The following NRG1 variants were observed in gnomAD, a reference collection of about 807,000 sequenced individuals.
NRG1 encodes pro-neuregulin-1, membrane-bound isoform.
Under a neutral mutation model 63.8 loss-of-function variants are expected in NRG1, and 18 were observed. The ratio of observed to expected loss-of-function variants is 0.28; its 90% confidence interval spans 0.19 to 0.42. The LOEUF is 0.42. Among genes scored for constraint, NRG1 ranks in the 10% least tolerant of loss-of-function variants. The probability of loss-of-function intolerance (pLI) is 1.00; values close to 1 mark genes in which losing one functional copy is unlikely to be tolerated. For synonymous variants in NRG1, 302 were observed against 301.3 expected (o/e 1.00, Z -0.02); for missense variants, 762 against 814.7 (o/e 0.94, Z 0.79).
chr8:31,841,594 G>A (rs947308065), intron 1 of NRG1, among the ~76,000 whole-genome samples: 1 of 152,098 alleles, frequency 6.6e-6, no homozygotes, highest in East Asian at 1.9e-4. Context: ...CCAGAAAAGG[G>A]TGCCAGCCTA....
At chr8:32,066,405 G>T (rs1469321665) in intron 1 of NRG1, among the ~76,000 whole-genome samples, 2 of 152,240 alleles carry the variant, frequency 1.3e-5, no homozygotes, top group East Asian at 3.9e-4. Flanking sequence ...TTTTACATAT[G>T]GCTAGCCAGT....
At chr8:32,099,529 A>G (rs1830304241) in intron 1 of NRG1, 1 of 152,238 alleles carries the variant, frequency 6.6e-6, no homozygotes, top group Non-Finnish European at 1.5e-5. Context: ...CTGATCGAAG[A>G]TGGAGATGAA....
At chr8:32,049,191 G>A (rs1423502399) in intron 1 of NRG1, among the ~76,000 whole-genome samples, 1 of 152,112 alleles carries the variant, frequency 6.6e-6, no homozygotes, top group Non-Finnish European at 1.5e-5. Flanking sequence ...CCAAAGCTAA[G>A]GAAACCCTGA....
Position 32,266,130 on chromosome 8 carries a change from T to A in NRG1, c.38-329698T>A, listed in dbSNP as rs574038535. 9.8e-5 allele frequency among the ~76,000 whole-genome samples: 15 copies of A among 152,350 alleles called. No individual in the cohort carries two copies. In the South Asian group the frequency reaches 3.1e-3, roughly 32 times the overall value. ...ATTTTATCTCTTCTGTGTCAGTCTG[T>A]GACCTTTTGGGTGGAATCTGAACAA... is the stretch of plus-strand genomic sequence containing the variant. On this transcript the variant is annotated intron_variant, in intron 1 of 10. Coordinates refer to the NRG1 transcript ENST00000519301.
rs569876592 is a variant in NRG1, at chr8:31,663,206, G to A, written c.37+23775G>A. ...ACCCAGAATAAATTGGATTGGAAAA[G>A]TAGGAAACCTCATTTAGCTTTTGTG... On this transcript the variant is annotated intron_variant, in intron 1 of 10. Transcript: ENST00000519301. Among the ~76,000 whole-genome samples the A allele has an allele frequency of 4.2e-4, 64 of 152,320 alleles. No homozygotes were observed. The South Asian group carries it at 4.3e-3, about 10-fold the overall frequency.
chr8:31,684,316 G>A (rs570082754), intron 1 of NRG1, among the ~76,000 whole-genome samples: 1 of 152,238 alleles, frequency 6.6e-6, no homozygotes, highest in East Asian at 1.9e-4. Context: ...TCATGAATGG[G>A]ACTAGCACCT....
chr8:31,663,204 A>C (rs1388229409), intron 1 of NRG1, among the ~76,000 whole-genome samples: 1 of 152,214 alleles, frequency 6.6e-6, no homozygotes, highest in Non-Finnish European at 1.5e-5. Flanking sequence ...TGGATTGGAA[A>C]AGTAGGAAAC....
intron 1 of NRG1, among the ~76,000 whole-genome samples, chr8:32,496,921 G>A (rs1827259257): frequency 1.3e-5 from 2 of 152,030 alleles, no homozygotes; most frequent in African/African-American, 4.8e-5. Context: ...ATGTAACATA[G>A]GAAAAGCAGA....
chr8:32,346,669 C>T (rs1804942581), intron 1 of NRG1, among the ~76,000 whole-genome samples: 1 of 151,932 alleles, frequency 6.6e-6, no homozygotes, highest in Non-Finnish European at 1.5e-5. Flanking sequence ...ATTACATGTG[C>T]TTATTTCTCT....
intron 1 of NRG1, among the ~76,000 whole-genome samples, chr8:32,181,362 C>A (rs1437315651): frequency 6.6e-6 from 1 of 152,176 alleles, no homozygotes; most frequent in Non-Finnish European, 1.5e-5. Flanking sequence ...ATGAAATATC[C>A]ATTTATTATC....
At chr8:31,671,412 G>A (rs1328089353) in intron 1 of NRG1, among the ~76,000 whole-genome samples, 1 of 152,092 alleles carries the variant, frequency 6.6e-6, no homozygotes, top group Middle Eastern at 3.2e-3. Flanking sequence ...CCAATTAGTT[G>A]GGGATAGCGG....
intron 1 of NRG1, among the ~76,000 whole-genome samples, chr8:32,311,993 A>T (rs998956377): frequency 6.6e-6 from 1 of 152,104 alleles, no homozygotes; most frequent in Non-Finnish European, 1.5e-5. Context: ...GTGTTTGCTC[A>T]ACCTGTTTAC....
At chr8:32,305,362 G>A (rs1321601704) in intron 1 of NRG1, among the ~76,000 whole-genome samples, 1 of 151,984 alleles carries the variant, frequency 6.6e-6, no homozygotes, top group Non-Finnish European at 1.5e-5. Context: ...GCATAGCATA[G>A]AATATTTTAT....
chr8:32,657,275 G>A lies in NRG1; in HGVS notation c.502+40390G>A, dbSNP rs145264158. On this transcript the variant is annotated intron_variant, in intron 5 of 11. Coordinates refer to ENST00000356819, the Ensembl canonical transcript of NRG1. ...AATGTAATATAATTTTGTTTCCCCC[G>A]TTTACCTTCCTTTTCCCTCCCTTTG... 2.1e-4 allele frequency among the ~76,000 whole-genome samples: 32 copies of A among 151,034 alleles called. No homozygotes were observed. The East Asian group carries it at 2.8e-3, about 13-fold the overall frequency.
At chr8:31,994,373 C>T (rs935607476) in intron 1 of NRG1, among the ~76,000 whole-genome samples, 1 of 151,848 alleles carries the variant, frequency 6.6e-6, no homozygotes, top group Non-Finnish European at 1.5e-5. Flanking sequence ...GTCTCCTAGG[C>T]TGGGTGCAGT....
chr8:31,658,991 G>C (rs372396464), intron 1 of NRG1, among the ~76,000 whole-genome samples: 1 of 152,210 alleles, frequency 6.6e-6, no homozygotes, highest in Non-Finnish European at 1.5e-5. Context: ...TTGTCGGTCT[G>C]CAGTGTTGTA....
chr8:32,089,255 G>A (rs1828746261), intron 1 of NRG1, among the ~76,000 whole-genome samples: 1 of 152,158 alleles, frequency 6.6e-6, no homozygotes. Flanking sequence ...TCTTGGGTGT[G>A]TGTTTTGCAT....
chr8:32,246,169 T>A (rs1204371288), intron 1 of NRG1, among the ~76,000 whole-genome samples: 2 of 152,190 alleles, frequency 1.3e-5, no homozygotes, highest in African/African-American at 4.8e-5. Context: ...AAGATACCAA[T>A]GACAAATGTT....
At chr8:32,276,101 C>G (rs1479749374) in intron 1 of NRG1, among the ~76,000 whole-genome samples, 1 of 152,120 alleles carries the variant, frequency 6.6e-6, no homozygotes, top group Non-Finnish European at 1.5e-5. Context: ...GTATTGTTAA[C>G]CATATTCACC....
Sources: gnomAD v4.1 joint callset for allele counts (sites outside exome capture counted in the v4.1 genomes callset) on GRCh38, gnomAD v4.1.1 for gene constraint, MANE v1.5 for transcripts, NCBI Gene and HGNC (gene_info 2026-07-23, HGNC 2026-07-21) for gene names.